Variants in MYOM2 observed in about 807,000 individuals in gnomAD.
MYOM2 encodes myomesin-2.
Under a neutral mutation model 187.6 loss-of-function variants are expected in MYOM2, and 254 were observed. The observed-to-expected ratio is 1.35, with a 90% CI of 1.22 to 1.50. The LOEUF is 1.50. Ranked by LOEUF, MYOM2 falls within the 40% of genes most tolerant of loss-of-function variation. The probability of loss-of-function intolerance (pLI) is 0.00; values close to 1 mark genes in which losing one functional copy is unlikely to be tolerated. For missense variants in MYOM2, 2,796 were observed against 1,924.0 expected (o/e 1.45, Z -8.48); for synonymous variants, 981 against 753.8 (o/e 1.30, Z -4.94).
Position 2,085,573 on chromosome 8 carries a change from CTGTTGTGATCTCTG to C in MYOM2, c.1644+184_1644+197del, listed in dbSNP as rs1819829022. Among the ~76,000 whole-genome samples the C allele has an allele frequency of 3.2e-4, 10 of 30,988 alleles. 3 individuals are homozygous for C. The highest frequency in any genetic ancestry group is 0.019 in the Middle Eastern group (1 of 52). 20.3% of individuals were successfully genotyped at this position (30,988 alleles called of 152,430 possible). A position where few individuals can be genotyped will look rare whatever the true frequency, so the allele number is the denominator to read the frequency against. ...CTGTCATGATCTCTGCGTGGCCCCA[CTGTTGTGATCTCTG>C]CGTGGCCCCACTGTCGTGATCTCTG... On this transcript the variant is annotated intron_variant, in intron 14 of 36. Coordinates refer to ENST00000262113, the MANE Select transcript of MYOM2 (RefSeq NM_003970.4).
chr8:2,127,088 A>G (rs1315709677), intron 31 of MYOM2, among the ~76,000 whole-genome samples: 1 of 149,414 alleles, frequency 6.7e-6, no homozygotes, highest in Non-Finnish European at 1.5e-5. Context: ...CTGCCTGGTT[A>G]GGGTGGTGTT....
rs1275157155 is a variant in MYOM2 at position 2,145,152 on chromosome 8, C to G, written c.*171C>G. On this transcript the variant is annotated 3_prime_UTR_variant, in exon 37 of 37. Transcript: ENST00000262113. Reference sequence around the variant, plus strand: ...TTGGTGATGAATATTTTATACCCGTCTAAGGGAGAAAGCTAATGTTTTCCA... The same window carrying G: ...TTGGTGATGAATATTTTATACCCGTGTAAGGGAGAAAGCTAATGTTTTCCA... The G allele has an allele frequency of 1.7e-5, 12 of 695,522 alleles. No individual in the cohort carries two copies. The highest frequency in any genetic ancestry group is 3.0e-5 in the Admixed American group (1 of 33,370). The allele number at this position is 695,522 out of a possible 1,614,324, so 43.1% of individuals were successfully genotyped here.
Position 2,116,357 on chromosome 8 carries a change from G to T in MYOM2, c.3385+82G>T, listed in dbSNP as rs1256986356. On this transcript the variant is annotated intron_variant, in intron 27 of 36. Transcript: ENST00000262113. Reference sequence around the variant, plus strand: ...GGAGTATTTGTCAGAAGCAGATCTTGCATGATCCCAAGCAACCCTAAAGGC... The same window carrying T: ...GGAGTATTTGTCAGAAGCAGATCTTTCATGATCCCAAGCAACCCTAAAGGC... The T allele has an allele frequency of 2.3e-5, 32 of 1,376,218 alleles. 1 individual carries two copies. In the East Asian group the frequency reaches 7.7e-4, roughly 33 times the overall value. 85.3% of individuals were successfully genotyped at this position (1,376,218 alleles called of 1,614,324 possible). A position where few individuals can be genotyped will look rare whatever the true frequency, so the allele number is the denominator to read the frequency against.
chr8:2,053,434 C>G (rs1818556282), intron 3 of MYOM2, among the ~76,000 whole-genome samples: 1 of 152,138 alleles, frequency 6.6e-6, no homozygotes, highest in African/African-American at 2.4e-5. Flanking sequence ...TTGGGGGCTA[C>G]AATAGAATAC....
At chr8:2,122,212 T>TA (rs1462190177) in intron 28 of MYOM2, among the ~76,000 whole-genome samples, 3 of 152,250 alleles carry the variant, frequency 2.0e-5, no homozygotes, top group Non-Finnish European at 2.9e-5. Flanking sequence ...AATCGTCTGC[T>TA]AGAGTCGTGG....
chr8:2,087,325 G>A (rs189921901), intron 14 of MYOM2, among the ~76,000 whole-genome samples: 15 of 152,264 alleles, frequency 9.9e-5, no homozygotes, highest in East Asian at 7.7e-4. Flanking sequence ...GCAGCATGGC[G>A]GAAACAGGAA....
intron 25 of MYOM2, among the ~76,000 whole-genome samples, chr8:2,110,742 C>G (rs1797042692): frequency 6.6e-6 from 1 of 152,202 alleles, no homozygotes; most frequent in Non-Finnish European, 1.5e-5. Context: ...GGGCAGCCCC[C>G]CTACCATATT....
chr8:2,123,439 C>T lies in MYOM2; in HGVS notation c.3567+74C>T, dbSNP rs1321818349. On this transcript the variant is annotated intron_variant, in intron 29 of 36. Coordinates refer to ENST00000262113, the MANE Select transcript of MYOM2 (RefSeq NM_003970.4). ...CAAATAACTCGTAAATTCTACAATC[C>T]TCTAATTTGCATCCTGAATTTCGGT... The T allele has an allele frequency of 2.7e-6, 4 of 1,463,870 alleles. No individual in the cohort carries two copies. The East Asian group carries it at 6.8e-5, about 25-fold the overall frequency. The allele number at this position is 1,463,870 out of a possible 1,614,324, so 90.7% of individuals were successfully genotyped here.
At chr8:2,066,811 C>T (rs1819034567) in intron 6 of MYOM2, among the ~76,000 whole-genome samples, 1 of 152,242 alleles carries the variant, frequency 6.6e-6, no homozygotes. Flanking sequence ...TTTACACACA[C>T]TGTTGCTTTG....
rs1018206640 is a variant in MYOM2, at chr8:2,072,438, C to G, written c.887C>G (p.Thr296Ser). Reference protein sequence around the residue: ...VTFRREGETVTLKCTMLVTPD... With the variant: ...VTFRREGETVSLKCTMLVTPD... ...TTCAGGAGGGAAGGCGAGACGGTCA[C>G]TCTCAAGTGCACCATGCTGGTGACG... Residue 296 changes from threonine to serine, a missense_variant, in exon 9 of 37, where the codon ACT (threonine) becomes AGT (serine). Coordinates refer to ENST00000262113, the MANE Select transcript of MYOM2 (RefSeq NM_003970.4). 17 of 1,614,052 alleles carry G rather than the reference C, an allele frequency of 1.1e-5. No homozygotes were observed. The highest frequency in any genetic ancestry group is 6.7e-5 in the African/African-American group (5 of 74,942).
At chr8:2,115,758 C>A (rs961474043) in intron 25 of MYOM2, among the ~76,000 whole-genome samples, 1 of 152,236 alleles carries the variant, frequency 6.6e-6, no homozygotes, top group Non-Finnish European at 1.5e-5. Flanking sequence ...CCTCACACAG[C>A]CAGGCTTTGT....
intron 21 of MYOM2, among the ~76,000 whole-genome samples, chr8:2,103,677 G>T (rs1483863449): frequency 6.7e-6 from 1 of 149,388 alleles, no homozygotes; most frequent in Non-Finnish European, 1.5e-5. Flanking sequence ...GTATGTAGAG[G>T]TATATGGATA....
chr8:2,046,092 G>A (rs6996272), intron 1 of MYOM2, among the ~76,000 whole-genome samples: 19 of 152,342 alleles, frequency 1.2e-4, no homozygotes, highest in Admixed American at 2.6e-4. Context: ...CCAACGCTGC[G>A]TGTCTGGGAG....
At chr8:2,067,997 C>A (rs550775824) in intron 6 of MYOM2, among the ~76,000 whole-genome samples, 1 of 152,172 alleles carries the variant, frequency 6.6e-6, no homozygotes, top group East Asian at 1.9e-4. Context: ...ACCTTGGAAC[C>A]CTCTGTGTAC....
chr8:2,128,183 A>G (rs2116877034), intron 31 of MYOM2, among the ~76,000 whole-genome samples: 1 of 152,348 alleles, frequency 6.6e-6, no homozygotes, highest in African/African-American at 2.4e-5. Flanking sequence ...TACAATGCAC[A>G]CCTTTGGGCA....
At chr8:2,064,472 C>G (rs145632353) in intron 6 of MYOM2, among the ~76,000 whole-genome samples, 2,353 of 152,282 alleles carry the variant, frequency 0.015, 36 homozygotes, top group Middle Eastern at 0.048. Context: ...GGGATCTTTG[C>G]TCCGGTGACG....
intron 19 of MYOM2, among the ~76,000 whole-genome samples, chr8:2,100,093 C>CTTCCTTCCTTCT (rs1796640870): frequency 1.1e-5 from 1 of 87,554 alleles, no homozygotes; most frequent in African/African-American, 4.8e-5. Flanking sequence ...TCTTTCCTTC[C>CTTCCTTCCTTCT]TTCCTTCCTT....
At chr8:2,054,948 G>T (rs923058548) in intron 3 of MYOM2, among the ~76,000 whole-genome samples, 1 of 141,592 alleles carries the variant, frequency 7.1e-6, no homozygotes, top group Non-Finnish European at 1.6e-5. Flanking sequence ...GGGGAACGAA[G>T]TACCTGGATA....
At chr8:2,067,007 T>A (rs140917031) in intron 6 of MYOM2, among the ~76,000 whole-genome samples, 52 of 152,308 alleles carry the variant, frequency 3.4e-4, no homozygotes, top group African/African-American at 1.2e-3. Flanking sequence ...TGGTGTGTGA[T>A]CTGTCCCTTG....
Sources: allele counts gnomAD v4.1 joint callset (sites outside exome capture counted in the v4.1 genomes callset), GRCh38; gene constraint gnomAD v4.1.1; transcripts MANE v1.5; gene names NCBI Gene and HGNC (gene_info 2026-07-23, HGNC 2026-07-21).